DYNC2H1: variants seen among roughly 807,000 people sequenced by gnomAD.
The protein encoded by DYNC2H1 is cytoplasmic dynein 2 heavy chain 1.
In DYNC2H1, 410 loss-of-function variants were observed where a neutral mutation model predicts 570.0. The observed-to-expected ratio is 0.72, with a 90% CI of 0.66 to 0.78. The LOEUF (loss-of-function observed/expected upper bound fraction) is 0.78, where lower values mean the gene tolerates loss of function less well. Among genes scored for constraint, DYNC2H1 ranks in the 30% least tolerant of loss-of-function variants. The probability of loss-of-function intolerance (pLI) is 0.00; values close to 1 mark genes in which losing one functional copy is unlikely to be tolerated. For missense variants in DYNC2H1, 4,865 were observed against 5,046.4 expected (o/e 0.96, Z 1.09); for synonymous variants, 1,688 against 1,677.6 (o/e 1.01, Z -0.15).
At chr11:103,414,953 G>T (rs1020619420) in intron 84 of DYNC2H1, among the ~76,000 whole-genome samples, 3 of 152,090 alleles carry the variant, frequency 2.0e-5, no homozygotes, top group African/African-American at 7.2e-5. Flanking sequence ...GAAAATGGCA[G>T]TACTTCCCAA....
At position 103,241,102 on chromosome 11, in the gene DYNC2H1, C is replaced by G. The variant is rs1365419678; in HGVS notation, c.9820-2591C>G. 1.3e-5 allele frequency among the ~76,000 whole-genome samples: 2 copies of G among 152,132 alleles called. No individual in the cohort carries two copies. The highest frequency in any genetic ancestry group is 4.8e-5 in the African/African-American group (2 of 41,424). On this transcript the variant is annotated intron_variant, in intron 63 of 88. Coordinates refer to ENST00000375735, the MANE Select transcript of DYNC2H1 (RefSeq NM_001377.3). This position sits in a 1 kb window ranked among gnomAD's most constrained non-coding sequence, Gnocchi z 5.1. ...TAGTTTGACTTGAACTGTTTTCTAG[C>G]CATAACTTCACCTATCATCCTTCAG... is the stretch of plus-strand genomic sequence containing the variant.
chr11:103,433,149 CTATTA>C (rs1450616414), intron 84 of DYNC2H1, among the ~76,000 whole-genome samples: 4 of 151,894 alleles, frequency 2.6e-5, no homozygotes, highest in African/African-American at 7.3e-5. Context: ...ATTATCATTT[CTATTA>C]TGTCACCTAT....
In DYNC2H1 at chr11:103,244,563, A is replaced by G. The variant is rs1266178914; in HGVS notation, c.9919-688A>G. 6.7e-6 allele frequency among the ~76,000 whole-genome samples: 1 copy of G among 149,016 alleles called. No individual in the cohort carries two copies. Among genetic ancestry groups the G allele is most frequent in the African/African-American group, 2.4e-5 (1 of 41,020 alleles). ...TATATGCAAATCATTTATGGTTTGC[A>G]ATATTATATATAACTATATATGCAA... On this transcript the variant is annotated intron_variant, in intron 64 of 88. Coordinates refer to ENST00000375735, the MANE Select transcript of DYNC2H1 (RefSeq NM_001377.3). The surrounding 1 kb of genome is among the most constrained non-coding windows in gnomAD (Gnocchi z 4.3).
rs1439213260 is a variant in DYNC2H1 at position 103,203,042 on chromosome 11, T to G, written c.8198-621T>G. Among the ~76,000 whole-genome samples the G allele has an allele frequency of 6.6e-6, 1 of 152,176 alleles. No individual in the cohort carries two copies. The highest frequency in any genetic ancestry group is 1.5e-5 in the Non-Finnish European group (1 of 68,018). On this transcript the variant is annotated intron_variant, in intron 50 of 88. Transcript: ENST00000375735. This position sits in a 1 kb window ranked among gnomAD's most constrained non-coding sequence, Gnocchi z 4.7. ...ATTCATTCATTTATGTAAAACATAT[T>G]TTTGTTCTAGATACTTAGGTAAGAA...
At chr11:103,135,451 T>TC (rs1859486790) in intron 15 of DYNC2H1, 44 bp from the exon 16 acceptor site, 1 of 1,419,742 alleles carries the variant, frequency 7.0e-7, no homozygotes, top group African/African-American at 1.4e-5. Context: ...AAATCCATTC[T>TC]ACTGCCTAAT....
Position 103,121,423 on chromosome 11 carries a change from C to G in DYNC2H1, c.1412C>G (p.Ser471Cys), listed in dbSNP as rs1858703270. The change falls in exon 10 of 89, where the codon TCT becomes TGT. Residue 471 changes from serine (S) to cysteine (C), a missense_variant. Around this residue, in one of 5 missense-constraint regions of DYNC2H1, gnomAD observed 1,936 missense variants for 1,962.1 expected, o/e 0.99. Transcript: ENST00000375735. Reference sequence around the variant, plus strand: ...TGCCGAGGAATTCCTGGTGATGCATCTGGACCACTTTCTGGCAAAAATCTT... The same window carrying G: ...TGCCGAGGAATTCCTGGTGATGCATGTGGACCACTTTCTGGCAAAAATCTT... ...NRCRGIPGDASGPLSGKNLSE... is the reference protein window; with the variant it reads ...NRCRGIPGDACGPLSGKNLSE... 1.2e-6 allele frequency: 2 copies of G among 1,613,250 alleles called. No individual in the cohort carries two copies.
Position 103,435,927 on chromosome 11 carries a change from C to A in DYNC2H1, c.12367-16C>A. ...TCATATACACAAACTTAATTTTGAC[C>A]CTTTTTAAATTGCAGTGTCCTCTCG... is the stretch of plus-strand genomic sequence containing the variant. On this transcript the variant is annotated splice_polypyrimidine_tract_variant and intron_variant, in intron 84 of 88. Transcript: ENST00000375735. 1 of 1,610,174 alleles carries A rather than the reference C, an allele frequency of 6.2e-7. No individual in the cohort carries two copies. The highest frequency in any genetic ancestry group is 1.1e-5 in the South Asian group (1 of 90,490).
At chr11:103,293,742 T>C (rs1224654789) in intron 75 of DYNC2H1, among the ~76,000 whole-genome samples, 1 of 152,102 alleles carries the variant, frequency 6.6e-6, no homozygotes, top group Admixed American at 6.6e-5. Context: ...GCTCTAGGAA[T>C]TGATTGTTTT....
At chr11:103,167,099 T>C (rs1342389451) in intron 31 of DYNC2H1, among the ~76,000 whole-genome samples, 2 of 150,726 alleles carry the variant, frequency 1.3e-5, no homozygotes, top group South Asian at 2.1e-4. Flanking sequence ...CATTTCAATA[T>C]TAAGTCCATT....
intron 83 of DYNC2H1, among the ~76,000 whole-genome samples, chr11:103,399,045 T>G (rs1942510455): frequency 6.6e-6 from 1 of 152,064 alleles, no homozygotes; most frequent in Admixed American, 6.6e-5. Flanking sequence ...TGCATTGACT[T>G]ACGGGATGCC....
At chr11:103,166,660 A>G (rs1296906212) in intron 31 of DYNC2H1, among the ~76,000 whole-genome samples, 1 of 152,038 alleles carries the variant, frequency 6.6e-6, no homozygotes, top group African/African-American at 2.4e-5. Context: ...TCTGAGCTAT[A>G]TGTTTTCTGA....
At chr11:103,336,397 C>G in intron 82 of DYNC2H1, among the ~76,000 whole-genome samples, 1 of 152,102 alleles carries the variant, frequency 6.6e-6, no homozygotes, top group East Asian at 1.9e-4. Context: ...TTACTACTAT[C>G]TAACTGTATT....
intron 85 of DYNC2H1, among the ~76,000 whole-genome samples, chr11:103,445,826 G>A (rs1482628270): frequency 6.6e-6 from 1 of 151,998 alleles, no homozygotes; most frequent in Non-Finnish European, 1.5e-5. Flanking sequence ...TAATTTTTTT[G>A]TATTTTTAGT....
intron 70 of DYNC2H1, among the ~76,000 whole-genome samples, chr11:103,265,753 CT>C (rs1194419538): frequency 6.6e-6 from 1 of 152,136 alleles, no homozygotes; most frequent in Non-Finnish European, 1.5e-5. Context: ...GCCTTTTGAG[CT>C]TTCAGGTTTC....
At chr11:103,247,081 A>C (rs1197174828) in intron 65 of DYNC2H1, among the ~76,000 whole-genome samples, 7 of 151,850 alleles carry the variant, frequency 4.6e-5, no homozygotes, top group Non-Finnish European at 1.5e-5. Context: ...GCAGTTGGTA[A>C]ATAGTTGAAG....
At chr11:103,253,734 G>A (rs990214576) in intron 66 of DYNC2H1, among the ~76,000 whole-genome samples, 13 of 152,024 alleles carry the variant, frequency 8.6e-5, no homozygotes, top group Non-Finnish European at 1.5e-4. Context: ...TTGATGGATC[G>A]TAAAGATCAT....
chr11:103,274,472 TTA>T (rs1865832759), intron 70 of DYNC2H1, among the ~76,000 whole-genome samples: 2 of 152,038 alleles, frequency 1.3e-5, no homozygotes, highest in African/African-American at 4.8e-5. Flanking sequence ...ATTGTCTTAT[TTA>T]TCTTTATCGA....
At chr11:103,323,178 C>T (rs1317704221) in intron 81 of DYNC2H1, among the ~76,000 whole-genome samples, 1 of 152,168 alleles carries the variant, frequency 6.6e-6, no homozygotes, top group Admixed American at 6.5e-5. Flanking sequence ...AAAACAGTTT[C>T]CATGTTTAGG....
At position 103,163,456 on chromosome 11, in the gene DYNC2H1, C is replaced by T. The variant is rs1861179661; in HGVS notation, c.4611+309C>T. On this transcript the variant is annotated intron_variant, in intron 30 of 88. Transcript: ENST00000375735. The surrounding 1 kb of genome is among the most constrained non-coding windows in gnomAD (Gnocchi z 4.6). Reference sequence around the variant, plus strand: ...CACAGGATCTATAACACTGTTGTCCCCTACCCGTCCATCCCTCCCATGGGA... The same window carrying T: ...CACAGGATCTATAACACTGTTGTCCTCTACCCGTCCATCCCTCCCATGGGA... 6.6e-6 allele frequency among the ~76,000 whole-genome samples: 1 copy of T among 152,116 alleles called. No homozygotes were observed. The highest frequency in any genetic ancestry group is 2.1e-4 in the South Asian group (1 of 4,822).
Sources: allele counts gnomAD v4.1 joint callset (sites outside exome capture counted in the v4.1 genomes callset), GRCh38; gene constraint gnomAD v4.1.1; regional missense constraint gnomAD v4.1.1; non-coding constraint Gnocchi (gnomAD v3.1); transcripts MANE v1.5; gene names NCBI Gene and HGNC (gene_info 2026-07-23, HGNC 2026-07-21).